The following RELL1 variants were observed in gnomAD, a reference collection of about 807,000 sequenced individuals.
RELL1 encodes RELT like 1, also known as RELT-like protein 1.
A neutral mutation model predicts 23.0 loss-of-function variants in RELL1; 10 were observed. The ratio of observed to expected loss-of-function variants is 0.43; its 90% CI spans 0.27 to 0.74. The LOEUF (loss-of-function observed/expected upper bound fraction) is 0.74, where lower values mean the gene tolerates loss of function less well. RELL1 is among the 30% of genes least tolerant of loss of function. The pLI is 0.19. For synonymous variants in RELL1, 146 were observed against 146.8 expected (o/e 0.99, Z 0.04); for missense variants, 315 against 364.4 (o/e 0.86, Z 1.10).
chr4:37,663,027 A>G (rs1721408877), intron 1 of RELL1, among the ~76,000 whole-genome samples: 1 of 152,176 alleles, frequency 6.6e-6, no homozygotes, highest in Admixed American at 6.5e-5. Flanking sequence ...TCTAAGACAG[A>G]AGACTGAGGA....
intron 1 of RELL1, chr4:37,665,486 C>A (rs1233129549): frequency 2.8e-6 from 1 of 356,652 alleles, no homozygotes; most frequent in African/African-American, 2.1e-5. Flanking sequence ...CCCCAACTGC[C>A]AGATCCATAA....
rs375661788 is a variant in RELL1, at chr4:37,605,039, G to A, written c.*4-13822C>T. On this transcript the variant is annotated intron_variant, in intron 6 of 6. Transcript: ENST00000314117. ...TTCAAACTACTTAATATGTATGCTAGTGTTGAATAAACATGTAAAAATATC... is the reference window on the plus strand; with the variant it reads ...TTCAAACTACTTAATATGTATGCTAATGTTGAATAAACATGTAAAAATATC... Among the ~76,000 whole-genome samples, 4 of 152,204 alleles carry A rather than the reference G, an allele frequency of 2.6e-5. 1 individual carries two copies. Among genetic ancestry groups the A allele is most frequent in the East Asian group, 1.9e-4 (1 of 5,186 alleles).
intron 1 of RELL1, among the ~76,000 whole-genome samples, chr4:37,672,570 T>G (rs1020476524): frequency 6.6e-6 from 1 of 152,150 alleles, no homozygotes; most frequent in Non-Finnish European, 1.5e-5. Flanking sequence ...ATATGGTTCA[T>G]GCAAAAGAAT....
rs1719121032 is a variant in RELL1, at chr4:37,604,821, A to AGACACACACACACACACG, written c.*4-13605_*4-13604insCGTGTGTGTGTGTGTGTC. 1.7e-5 allele frequency among the ~76,000 whole-genome samples: 2 copies of AGACACACACACACACACG among 115,758 alleles called. 1 individual carries two copies. The highest frequency in any genetic ancestry group is 7.2e-5 in the African/African-American group (2 of 27,634). 75.9% of individuals were successfully genotyped at this position (115,758 alleles called of 152,430 possible). On this transcript the variant is annotated intron_variant, in intron 6 of 6. Coordinates refer to the RELL1 transcript ENST00000314117. ...CAGACACACACACAGACACACACACAGACACACACATACACACAGACACAC... is the reference window on the plus strand; with the variant it reads ...CAGACACACACACAGACACACACACAGACACACACACACACACGGACACACACATACACACAGACACAC...
At chr4:37,657,751 C>T (rs1244370010) in intron 1 of RELL1, among the ~76,000 whole-genome samples, 5 of 151,920 alleles carry the variant, frequency 3.3e-5, no homozygotes, top group Non-Finnish European at 7.4e-5. Context: ...AAAAAAATCC[C>T]CAAAAAATAA....
At chr4:37,664,266 C>T (rs1330267360) in intron 1 of RELL1, among the ~76,000 whole-genome samples, 6 of 151,616 alleles carry the variant, frequency 4.0e-5, no homozygotes, top group Non-Finnish European at 7.4e-5. Flanking sequence ...GTCCCAGCTG[C>T]TTGGGAGGCT....
chr4:37,614,042 C>T (rs551575640), intron 6 of RELL1, among the ~76,000 whole-genome samples: 3 of 152,280 alleles, frequency 2.0e-5, no homozygotes, highest in East Asian at 1.9e-4. Flanking sequence ...GGTTAAGGAA[C>T]GAAACGTTCT....
chr4:37,591,523 A>G (rs1390990451), intron 6 of RELL1: 1 of 152,668 alleles, frequency 6.6e-6, no homozygotes, highest in Non-Finnish European at 1.5e-5. Flanking sequence ...CACCCAGGGA[A>G]CTAATAACTA....
intron 6 of RELL1, among the ~76,000 whole-genome samples, chr4:37,618,106 G>T (rs1463280760): frequency 6.6e-6 from 1 of 152,178 alleles, no homozygotes; most frequent in African/African-American, 2.4e-5. Flanking sequence ...GAGCCATGCT[G>T]CATATCATTT....
intron 6 of RELL1, among the ~76,000 whole-genome samples, chr4:37,626,920 GA>G (rs1719973265): frequency 6.6e-6 from 1 of 152,138 alleles, no homozygotes. Flanking sequence ...ATTTTAGTTA[GA>G]GGGGATAAAT....
chr4:37,611,508 A>C lies in RELL1; in HGVS notation c.*1838T>G, dbSNP rs1254311273. ...CTATGTACAGTAAATACTTTGAAGT[A>C]TATTTTTATGGAAATCATCTTTTGG... On this transcript the variant is annotated 3_prime_UTR_variant, in exon 7 of 7. Transcript: ENST00000454158. Among the ~76,000 whole-genome samples the C allele has an allele frequency of 6.6e-6, 1 of 152,208 alleles. No homozygotes were observed. The highest frequency in any genetic ancestry group is 1.5e-5 in the Non-Finnish European group (1 of 68,034).
intron 1 of RELL1, among the ~76,000 whole-genome samples, chr4:37,681,649 C>T (rs1461215557): frequency 6.6e-6 from 1 of 151,238 alleles, no homozygotes; most frequent in Admixed American, 6.6e-5. Flanking sequence ...CTGCCTCAGC[C>T]TCCCCAGTAG....
chr4:37,686,120 C>T (rs1183229779), intron 1 of RELL1, 80 bp downstream of exon 1: 27 of 1,199,436 alleles, frequency 2.3e-5, no homozygotes, highest in Non-Finnish European at 2.9e-5. Context: ...CGCGGGGCTG[C>T]CGTCCCGACC....
chr4:37,683,423 GAAGT>G (rs1010105424), intron 1 of RELL1, among the ~76,000 whole-genome samples: 2 of 152,188 alleles, frequency 1.3e-5, no homozygotes, highest in African/African-American at 4.8e-5. Flanking sequence ...TGCCTTACTG[GAAGT>G]AAGTATTTCA....
chr4:37,638,604 A>C, intron 3 of RELL1, 100 bp from the exon 4 acceptor site: 1 of 906,424 alleles, frequency 1.1e-6, no homozygotes, highest in Non-Finnish European at 1.7e-6. Flanking sequence ...CCATTCTTTC[A>C]GTTCATAGAT....
intron 1 of RELL1, among the ~76,000 whole-genome samples, chr4:37,664,851 C>T (rs1235491989): frequency 6.6e-6 from 1 of 152,068 alleles, no homozygotes; most frequent in African/African-American, 2.4e-5. Context: ...CTTAGGAGGA[C>T]ATTTTCCCCA....
At chr4:37,607,763 G>A (rs1553871841), downstream of RELL1, among the ~76,000 whole-genome samples, 1 of 150,892 alleles carries the variant, frequency 6.6e-6, no homozygotes, top group African/African-American at 2.4e-5. Flanking sequence ...TCTTTTTTTT[G>A]TATGTTAGTA....
intron 5 of RELL1, among the ~76,000 whole-genome samples, chr4:37,633,206 C>G (rs765672385): frequency 1.3e-5 from 2 of 151,970 alleles, no homozygotes; most frequent in Non-Finnish European, 2.9e-5. Flanking sequence ...GTCAGGAGTT[C>G]GAGACCAGCC....
intron 6 of RELL1, among the ~76,000 whole-genome samples, chr4:37,595,184 A>G (rs1199932374): frequency 6.6e-6 from 1 of 152,226 alleles, no homozygotes; most frequent in Non-Finnish European, 1.5e-5. Context: ...TAATAGAACA[A>G]TAAGTCATTC....
Sources: gnomAD v4.1 joint callset for allele counts (sites outside exome capture counted in the v4.1 genomes callset) on GRCh38, gnomAD v4.1.1 for gene constraint, MANE v1.5 for transcripts, NCBI Gene and HGNC (gene_info 2026-07-23, HGNC 2026-07-21) for gene names.